IQGAP2: variants seen among roughly 807,000 people sequenced by gnomAD.
IQGAP2 encodes the protein IQ motif containing GTPase activating protein 2.
A neutral mutation model predicts 201.3 loss-of-function variants in IQGAP2; 173 were observed. The ratio of observed to expected loss-of-function variants is 0.86; its 90% CI spans 0.76 to 0.98. The LOEUF (loss-of-function observed/expected upper bound fraction) is 0.98. Ranked by LOEUF, IQGAP2 falls within the 50% of genes least tolerant of loss-of-function variation. IQGAP2 has a pLI of 0.00. For synonymous variants in IQGAP2, 675 were observed against 673.9 expected, an observed-to-expected ratio of 1.00 and a Z score of -0.03; for missense variants, 1,687 against 1,864.8, an observed-to-expected ratio of 0.90 and a Z score of 1.76.
In IQGAP2 at chr5:76,562,160, C is replaced by T. The variant is rs77348982; in HGVS notation, c.147-236C>T. Among the ~76,000 whole-genome samples, 596 of 152,290 alleles carry T rather than the reference C, an allele frequency of 3.9e-3. 2 individuals carry two copies. Among genetic ancestry groups the T allele is most frequent in the East Asian group, 0.015 (76 of 5,188 alleles). On this transcript the variant is annotated intron_variant, in intron 2 of 35. Coordinates refer to ENST00000274364, the MANE Select transcript of IQGAP2 (RefSeq NM_006633.5). ...GAGGCTCAGATAAAGGTGAAGTTGA[C>T]GAGCTCTGGCATGGGAGTGAGCTCA...
At chr5:76,619,328 A>G (rs1264725641) in intron 13 of IQGAP2, among the ~76,000 whole-genome samples, 1 of 152,184 alleles carries the variant, frequency 6.6e-6, no homozygotes, top group African/African-American at 2.4e-5. Context: ...AAACTGTCCT[A>G]AGAAATCATA....
intron 13 of IQGAP2, chr5:76,617,902 A>G (rs1367192598): frequency 6.2e-7 from 1 of 1,614,170 alleles, no homozygotes. Flanking sequence ...AAGAATCCAA[A>G]GAATGCCAAG....
At chr5:76,454,763 G>A (rs1184584999) in intron 1 of IQGAP2, among the ~76,000 whole-genome samples, 1 of 151,922 alleles carries the variant, frequency 6.6e-6, no homozygotes, top group Non-Finnish European at 1.5e-5. Flanking sequence ...ACGTGTGCAT[G>A]TGTCTTTATA....
intron 2 of IQGAP2, among the ~76,000 whole-genome samples, chr5:76,532,476 A>C (rs532029258): frequency 2.9e-3 from 122 of 42,312 alleles, no homozygotes; most frequent in African/African-American, 0.011. Context: ...TTTCCTGAGG[A>C]TTGGGTGGGT....
At chr5:76,632,377 C>T (rs1750782549) in intron 15 of IQGAP2, among the ~76,000 whole-genome samples, 1 of 151,992 alleles carries the variant, frequency 6.6e-6, no homozygotes, top group Non-Finnish European at 1.5e-5. Context: ...TGTGATTGCA[C>T]AGTATTAAGT....
At chr5:76,637,219 T>A (rs756493342) in intron 16 of IQGAP2, 43 bp downstream of exon 16, 2 of 1,458,254 alleles carry the variant, frequency 1.4e-6, no homozygotes, top group African/African-American at 2.9e-5. Context: ...TGTATAAAGT[T>A]AAATTTGACT....
chr5:76,590,381 T>C (rs1746562696), intron 7 of IQGAP2, 27 bp from the exon 8 acceptor site: 1 of 1,549,852 alleles, frequency 6.5e-7, no homozygotes, highest in Non-Finnish European at 8.7e-7. Context: ...ATAAAAACCT[T>C]TTTCTCTCTC....
intron 2 of IQGAP2, among the ~76,000 whole-genome samples, chr5:76,502,259 G>A (rs765676086): frequency 6.6e-6 from 1 of 152,196 alleles, no homozygotes; most frequent in African/African-American, 2.4e-5. Context: ...GTAGAGATTT[G>A]GAAGATGAAT....
Position 76,589,715 on chromosome 5 carries a change from G to A in IQGAP2, c.627G>A (p.Val209=), listed in dbSNP as rs1746511732. 2 of 1,594,000 alleles carry A rather than the reference G, an allele frequency of 1.3e-6. No individual in the cohort carries two copies. The highest frequency in any genetic ancestry group is 3.5e-5 in the Admixed American group (2 of 57,872). Residue 209 remains valine (V), a synonymous_variant, in exon 7 of 36, where the codon GTG becomes GTA. Transcript: ENST00000274364. The part of the protein sequence containing the change: ...IGGILANELS[V]DEAALHAAVI... ...GTATTCTGGCCAATGAACTGTCCGT[G>A]GATGAAGCTGCATGTAAGTCCATTC...
intron 2 of IQGAP2, among the ~76,000 whole-genome samples, chr5:76,486,309 T>C (rs544700125): frequency 2.0e-5 from 3 of 152,354 alleles, no homozygotes; most frequent in African/African-American, 7.2e-5. Flanking sequence ...GTTTGCCCTG[T>C]ACATAAATAA....
chr5:76,533,293 A>C (rs1759423996), intron 2 of IQGAP2, among the ~76,000 whole-genome samples: 1 of 152,134 alleles, frequency 6.6e-6, no homozygotes, highest in African/African-American at 2.4e-5. Flanking sequence ...TGGATGATAG[A>C]GGGATGGTGC....
chr5:76,519,380 AT>A (rs1758532614), intron 2 of IQGAP2, among the ~76,000 whole-genome samples: 1 of 152,232 alleles, frequency 6.6e-6, no homozygotes, highest in African/African-American at 2.4e-5. Context: ...GTTGTGTGTA[AT>A]GATATGTTCC....
Position 76,654,960 on chromosome 5 carries a change from A to G in IQGAP2, c.2277A>G (p.Ser759=), listed in dbSNP as rs1192474700. 1 of 1,612,814 alleles carries G rather than the reference A, an allele frequency of 6.2e-7. No individual in the cohort carries two copies. Among genetic ancestry groups the G allele is most frequent in the Non-Finnish European group, 8.5e-7 (1 of 1,178,974 alleles). ...ATAATGAAATTGTGAAAATACAGTC[A>G]CTGTTGAGAGCGAACAAAGCTAGAG... ...DHNNEIVKIQ[S]LLRANKARDD... The change falls in exon 20 of 36, where the codon TCA becomes TCG. Residue 759 remains serine, a synonymous_variant. Transcript: ENST00000274364.
chr5:76,416,575 G>A (rs1048084885), intron 1 of IQGAP2, among the ~76,000 whole-genome samples: 1 of 150,692 alleles, frequency 6.6e-6, no homozygotes, highest in African/African-American at 2.5e-5. Context: ...ACCCAGGCTG[G>A]AGTGTGCAGT....
rs554099210 is a variant in IQGAP2 at position 76,559,629 on chromosome 5, T to C, written c.147-2767T>C. Among the ~76,000 whole-genome samples the C allele has an allele frequency of 2.6e-5, 4 of 152,282 alleles. No individual in the cohort carries two copies. In the East Asian group the frequency reaches 7.7e-4, roughly 29 times the overall value. ...CCTTTAGTTTCTGTTCTCCCCAGCT[T>C]CCGGTTCTCTCCCTGCCTTTCCAAC... On this transcript the variant is annotated intron_variant, in intron 2 of 35. Transcript: ENST00000274364.
At chr5:76,434,378 A>C (rs1424586489) in intron 1 of IQGAP2, among the ~76,000 whole-genome samples, 1 of 152,086 alleles carries the variant, frequency 6.6e-6, no homozygotes, top group Middle Eastern at 3.2e-3. Flanking sequence ...AAAGTCCATT[A>C]TGCCACTCTG....
intron 2 of IQGAP2, among the ~76,000 whole-genome samples, chr5:76,466,185 T>A (rs1366094314): frequency 6.7e-6 from 1 of 149,320 alleles, no homozygotes; most frequent in South Asian, 2.1e-4. Context: ...AAAAAAAAAA[T>A]TTTGAATTAG....
At position 76,630,612 on chromosome 5, in the gene IQGAP2, T is replaced by C. The variant is rs79363414; in HGVS notation, c.1613-1247T>C. On this transcript the variant is annotated intron_variant, in intron 14 of 35. Transcript: ENST00000274364. ...ATCTTTTAAGGAAAATTGCATTTTA[T>C]TGGGTTAGATGACACTGTCACATGT... 2.0e-5 allele frequency among the ~76,000 whole-genome samples: 3 copies of C among 152,324 alleles called. No homozygotes were observed. In the East Asian group the frequency reaches 5.8e-4, roughly 29 times the overall value.
At chr5:76,587,946 A>T (rs926326591) in intron 5 of IQGAP2, among the ~76,000 whole-genome samples, 2 of 149,846 alleles carry the variant, frequency 1.3e-5, no homozygotes, top group African/African-American at 5.0e-5. Flanking sequence ...ACTCTGTCTC[A>T]ACCAAAAAAA....
Sources: allele counts gnomAD v4.1 joint callset (sites outside exome capture counted in the v4.1 genomes callset), GRCh38; gene constraint gnomAD v4.1.1; transcripts MANE v1.5; gene names NCBI Gene and HGNC (gene_info 2026-07-23, HGNC 2026-07-21).